The following MEGF10 variants were observed in gnomAD, a reference collection of about 807,000 sequenced individuals.
MEGF10 encodes the protein multiple EGF like domains 10, also known as multiple epidermal growth factor-like domains protein 10.
Under a neutral mutation model 147.5 loss-of-function variants are expected in MEGF10, and 86 were observed. That is an observed-to-expected ratio of 0.58 (90% confidence interval 0.49 to 0.70). The LOEUF (loss-of-function observed/expected upper bound fraction) is 0.70, where lower values mean the gene tolerates loss of function less well. Ranked by LOEUF, MEGF10 falls within the 30% of genes least tolerant of loss-of-function variation. The probability of loss-of-function intolerance (pLI) is 0.00; values close to 1 mark genes in which losing one functional copy is unlikely to be tolerated. For synonymous variants in MEGF10, 478 were observed against 525.5 expected, an observed-to-expected ratio of 0.91 and a Z score of 1.24; for missense variants, 1,329 against 1,487.3, an observed-to-expected ratio of 0.89 and a Z score of 1.75.
At chr5:127,252,918 A>G in the MEGF10 span, among the ~76,000 whole-genome samples, 1,415 of 151,826 alleles carry the variant, frequency 9.3e-3, 23 homozygotes, top group African/African-American at 0.032. Context: ...TTTTTTTGAG[A>G]CAGAGTGATG....
intron 5 of MEGF10, among the ~76,000 whole-genome samples, chr5:127,390,829 C>A (rs181564802): frequency 6.6e-6 from 1 of 151,932 alleles, no homozygotes; most frequent in African/African-American, 2.4e-5. Flanking sequence ...GTTTAGAACA[C>A]GGACTCTGGA....
At chr5:127,456,210 T>C (rs1766359015) in intron 24 of MEGF10, among the ~76,000 whole-genome samples, 1 of 152,246 alleles carries the variant, frequency 6.6e-6, no homozygotes, top group Admixed American at 6.5e-5. Flanking sequence ...TGGTTCATTA[T>C]ATTAATATAA....
chr5:127,351,748 C>T lies in MEGF10; in HGVS notation c.319+11118C>T, dbSNP rs1406152368. Among the ~76,000 whole-genome samples the T allele has an allele frequency of 2.0e-5, 3 of 152,296 alleles. No individual in the cohort carries two copies. The East Asian group carries it at 5.8e-4, about 29-fold the overall frequency. On this transcript the variant is annotated intron_variant, in intron 4 of 24. Transcript: ENST00000503335. ...TTATTCTGCCACTCCTGTAACTTCA[C>T]ACTACACATGGAATGAGCCCAAAGG...
At chr5:127,304,677 T>C (rs2030618436) in intron 1 of MEGF10, among the ~76,000 whole-genome samples, 1 of 152,118 alleles carries the variant, frequency 6.6e-6, no homozygotes, top group African/African-American at 2.4e-5. Context: ...TATTTTTTGG[T>C]AGAGACAGGG....
chr5:127,414,832 A>G (rs1417369314), intron 9 of MEGF10, among the ~76,000 whole-genome samples: 2 of 152,188 alleles, frequency 1.3e-5, no homozygotes, highest in African/African-American at 4.8e-5. Flanking sequence ...GAAGACATTA[A>G]AGGACTGGAA....
chr5:127,452,601 C>G (rs773016208), intron 22 of MEGF10, among the ~76,000 whole-genome samples: 2 of 151,850 alleles, frequency 1.3e-5, no homozygotes, highest in Non-Finnish European at 2.9e-5. Flanking sequence ...ACATGATTGA[C>G]TCCCATCATG....
intron 1 of MEGF10, among the ~76,000 whole-genome samples, chr5:127,293,291 A>G (rs970779280): frequency 1.3e-5 from 2 of 152,244 alleles, no homozygotes; most frequent in African/African-American, 4.8e-5. Flanking sequence ...GAGTAACAAC[A>G]TCGATAATTA....
intron 9 of MEGF10, among the ~76,000 whole-genome samples, chr5:127,414,762 G>T (rs2126960894): frequency 6.6e-6 from 1 of 152,286 alleles, no homozygotes; most frequent in East Asian, 1.9e-4. Flanking sequence ...ATGTGCCCGT[G>T]AAAGGTGGCA....
At chr5:127,330,159 C>T (rs1054017438) in intron 1 of MEGF10, among the ~76,000 whole-genome samples, 6 of 152,192 alleles carry the variant, frequency 3.9e-5, no homozygotes, top group Non-Finnish European at 5.9e-5. Context: ...CTGTCGATTC[C>T]GCATCCTAAA....
chr5:127,315,603 C>T (rs79471069), intron 1 of MEGF10, among the ~76,000 whole-genome samples: 2,979 of 152,052 alleles, frequency 0.02, 105 homozygotes, highest in African/African-American at 0.066. Context: ...TGATGAGACC[C>T]GTCTCTACAA....
the MEGF10 span, among the ~76,000 whole-genome samples, chr5:127,272,933 C>T: frequency 1.3e-5 from 2 of 152,212 alleles, no homozygotes; most frequent in Non-Finnish European, 2.9e-5. Context: ...TTTCTCTTGC[C>T]TGATTGCCCT....
rs1349764963 is a variant in MEGF10, at chr5:127,460,967, T to G, written c.*3649T>G. 2.0e-5 allele frequency: 3 copies of G among 152,184 alleles called. No individual in the cohort carries two copies. The highest frequency in any genetic ancestry group is 4.4e-5 in the Non-Finnish European group (3 of 68,020). The allele number at this position is 152,184 out of a possible 1,614,324, so 9.4% of individuals were successfully genotyped here. ...CCTGTTAATATTGATGTCCTAACAC[T>G]GGGTCTGCTTATGCTAGTTCAGTAT... On this transcript the variant is annotated 3_prime_UTR_variant, in exon 25 of 25. Coordinates refer to ENST00000503335, the MANE Select transcript of MEGF10 (RefSeq NM_001256545.2).
chr5:127,407,177 G>A (rs978377966), intron 8 of MEGF10, among the ~76,000 whole-genome samples: 3 of 152,170 alleles, frequency 2.0e-5, no homozygotes, highest in African/African-American at 7.2e-5. Context: ...CTCTTTCCCA[G>A]TGCTTTTTAC....
chr5:127,386,171 G>A (rs1730077873), intron 5 of MEGF10, among the ~76,000 whole-genome samples: 3 of 152,176 alleles, frequency 2.0e-5, no homozygotes, highest in African/African-American at 7.2e-5. Flanking sequence ...CCTAGGGTTT[G>A]TTTACACCTA....
the MEGF10 span, among the ~76,000 whole-genome samples, chr5:127,254,814 A>T: frequency 6.6e-6 from 1 of 151,854 alleles, no homozygotes; most frequent in African/African-American, 2.4e-5. Flanking sequence ...CCATCTGAAA[A>T]AAAAAAAAAG....
At chr5:127,286,397 A>G (rs1404469505), upstream of MEGF10, among the ~76,000 whole-genome samples, 1 of 152,108 alleles carries the variant, frequency 6.6e-6, no homozygotes, top group Non-Finnish European at 1.5e-5. Flanking sequence ...CTATGCATGT[A>G]ACAAATTTTC....
At chr5:127,423,775 T>C (rs1160693289) in intron 13 of MEGF10, among the ~76,000 whole-genome samples, 1 of 152,178 alleles carries the variant, frequency 6.6e-6, no homozygotes, top group Non-Finnish European at 1.5e-5. Flanking sequence ...TTTTTAGATA[T>C]ATGTCCTTAT....
chr5:127,334,931 G>A (rs1008858982), intron 2 of MEGF10, among the ~76,000 whole-genome samples: 1 of 152,124 alleles, frequency 6.6e-6, no homozygotes, highest in African/African-American at 2.4e-5. Flanking sequence ...TAACCACTTT[G>A]GAACGTGCCC....
chr5:127,294,829 T>TAAC (rs2126700784), intron 1 of MEGF10, among the ~76,000 whole-genome samples: 1 of 146,252 alleles, frequency 6.8e-6, no homozygotes, highest in South Asian at 2.2e-4. Context: ...ATAATAATAA[T>TAAC]AATAATAAAT....
Sources: allele counts gnomAD v4.1 joint callset (sites outside exome capture counted in the v4.1 genomes callset), GRCh38; gene constraint gnomAD v4.1.1; transcripts MANE v1.5; gene names NCBI Gene and HGNC (gene_info 2026-07-23, HGNC 2026-07-21).